TIMM23: variants seen among roughly 807,000 people sequenced by gnomAD.
The protein encoded by TIMM23 is mitochondrial import inner membrane translocase subunit Tim23.
Under a neutral mutation model 30.7 loss-of-function variants are expected in TIMM23, and 19 were observed. The observed-to-expected ratio is 0.62, with a 90% CI of 0.43 to 0.91. The LOEUF is 0.91. Ranked by LOEUF, TIMM23 falls within the 40% of genes least tolerant of loss-of-function variation. TIMM23 has a pLI of 0.00. For missense variants in TIMM23, 202 were observed against 269.2 expected (o/e 0.75, Z 1.75); for synonymous variants, 78 against 98.5 (o/e 0.79, Z 1.23).
At chr10:45,993,485 C>T (rs1199737961) in intron 6 of TIMM23, among the ~76,000 whole-genome samples, 1 of 151,956 alleles carries the variant, frequency 6.6e-6, no homozygotes, top group African/African-American at 2.4e-5. Context: ...AACTCCCGAC[C>T]TCAGGTTGCA....
chr10:45,972,763 G>A (rs782489097), intron 1 of TIMM23, 33 bp downstream of exon 1: 2 of 1,612,378 alleles, frequency 1.2e-6, no homozygotes, highest in African/African-American at 1.3e-5. Context: ...GATTATTTCT[G>A]ACTGGTTTTT....
intron 2 of TIMM23, among the ~76,000 whole-genome samples, chr10:45,976,214 A>G (rs587763486): frequency 0.033 from 4,956 of 151,906 alleles, 238 homozygotes; most frequent in African/African-American, 0.11. Flanking sequence ...ATCAATTTAT[A>G]ATAAAGCAAT....
chr10:46,002,747 CGTT>C (rs77268846), intron 6 of TIMM23, among the ~76,000 whole-genome samples: 17,527 of 150,532 alleles, frequency 0.12, 1,097 homozygotes, highest in Non-Finnish European at 0.14. Flanking sequence ...ACTTTAAAAA[CGTT>C]GTCTCCTTTT....
At position 45,974,172 on chromosome 10, in the gene TIMM23, G is replaced by GT. The variant is rs1165250520; in HGVS notation, c.107-1273dup. ...AGTGGTTTTTGTGGGGGTTTTTTTT[G>GT]TTTTTTTTTGAAAAGAGGACTCTTG... On this transcript the variant is annotated intron_variant, in intron 1 of 6. Coordinates refer to ENST00000580018, the MANE Select transcript of TIMM23 (RefSeq NM_006327.4). 1.5e-3 allele frequency among the ~76,000 whole-genome samples: 208 copies of GT among 138,746 alleles called. 2 individuals carry two copies. Among genetic ancestry groups the GT allele is most frequent in the Admixed American group, 3.7e-3 (51 of 13,732 alleles). 91.0% of individuals were successfully genotyped at this position (138,746 alleles called of 152,430 possible).
chr10:45,975,631 A>G lies in TIMM23; in HGVS notation c.165+119A>G, dbSNP rs587674918. 155 of 1,336,640 alleles carry G rather than the reference A, an allele frequency of 1.2e-4. No homozygotes were observed. The African/African-American group carries it at 1.6e-3, about 14-fold the overall frequency. 82.8% of individuals were successfully genotyped at this position (1,336,640 alleles called of 1,614,324 possible). A position where few individuals can be genotyped will look rare whatever the true frequency, so the allele number is the denominator to read the frequency against. On this transcript the variant is annotated intron_variant, in intron 2 of 6. Coordinates refer to ENST00000580018, the MANE Select transcript of TIMM23 (RefSeq NM_006327.4). ...TGGAGGCAGTAAGTCTCTGGTCTCC[A>G]TTCACCCTTTTTTCCTCACAAACAC... is the stretch of plus-strand genomic sequence containing the variant.
intron 5 of TIMM23, 37 bp downstream of exon 5, chr10:45,985,478 GAAAGA>G (rs2132258997): frequency 6.2e-7 from 1 of 1,608,806 alleles, no homozygotes; most frequent in East Asian, 2.2e-5. Flanking sequence ...AATTGTTAAA[GAAAGA>G]ATGCACAAAT....
At chr10:45,996,986 GA>G (rs1259111804) in intron 6 of TIMM23, among the ~76,000 whole-genome samples, 1 of 115,622 alleles carries the variant, frequency 8.6e-6, no homozygotes, top group Middle Eastern at 4.2e-3. Context: ...AAAAAAAAAA[GA>G]TAGATTCTAA....
At chr10:45,997,615 C>T (rs1164369947) in intron 6 of TIMM23, among the ~76,000 whole-genome samples, 3 of 152,066 alleles carry the variant, frequency 2.0e-5, no homozygotes, top group African/African-American at 7.2e-5. Flanking sequence ...AGTTCAAGAC[C>T]ACTCTAGGTA....
chr10:45,979,737 G>A (rs1837789478), intron 2 of TIMM23, among the ~76,000 whole-genome samples: 1 of 148,884 alleles, frequency 6.7e-6, no homozygotes, highest in Admixed American at 6.8e-5. Flanking sequence ...GAAGCAAGTT[G>A]ATGGTTCGGA....
chr10:45,986,694 G>A (rs1425126854), intron 5 of TIMM23, among the ~76,000 whole-genome samples: 1 of 152,140 alleles, frequency 6.6e-6, no homozygotes, highest in Non-Finnish European at 1.5e-5. Context: ...CAAGAGCATA[G>A]AAGGATGGCT....
At chr10:46,002,430 A>C in intron 6 of TIMM23, 1 of 824,916 alleles carries the variant, frequency 1.2e-6, no homozygotes, top group Non-Finnish European at 1.5e-6. Context: ...CAGCCTCCCA[A>C]AGTGCTGGGA....
At chr10:45,973,394 G>T (rs1325497115) in intron 1 of TIMM23, among the ~76,000 whole-genome samples, 11 of 152,262 alleles carry the variant, frequency 7.2e-5, no homozygotes, top group African/African-American at 2.2e-4. Context: ...CTTTGTAACT[G>T]TGGTTGTTCA....
intron 6 of TIMM23, among the ~76,000 whole-genome samples, chr10:45,990,370 T>G (rs1333161328): frequency 3.3e-5 from 5 of 152,166 alleles, no homozygotes; most frequent in Admixed American, 2.6e-4. Context: ...TGTTCCACCC[T>G]CCTCAGCCTC....
chr10:45,994,214 C>T (rs1253240172), intron 6 of TIMM23, among the ~76,000 whole-genome samples: 1 of 152,004 alleles, frequency 6.6e-6, no homozygotes, highest in Non-Finnish European at 1.5e-5. Context: ...TAGCGGGTGC[C>T]TGTAATCCCA....
At chr10:45,990,591 T>C in intron 6 of TIMM23, 1 of 365,152 alleles carries the variant, frequency 2.7e-6, no homozygotes, top group Non-Finnish European at 5.3e-6. Context: ...CTAATTATTT[T>C]TTTTTTTCTT....
chr10:45,999,968 T>C (rs1436823826), intron 6 of TIMM23, among the ~76,000 whole-genome samples: 1 of 152,204 alleles, frequency 6.6e-6, no homozygotes. Flanking sequence ...GGAAGAACAG[T>C]ATGGCTCTGT....
rs1222326441 is a variant in TIMM23, at chr10:45,986,051, A to G, written c.403+610A>G. Among the ~76,000 whole-genome samples, 17 of 152,332 alleles carry G rather than the reference A, an allele frequency of 1.1e-4. 1 individual carries two copies. The highest frequency in any genetic ancestry group is 3.8e-4 in the African/African-American group (16 of 41,566). On this transcript the variant is annotated intron_variant, in intron 5 of 6. Transcript: ENST00000580018. ...CTTATGGCTTATGTCCTGACATCCAAAATTTTCCTACTGTATGAACTTAGT... is the reference window on the plus strand; with the variant it reads ...CTTATGGCTTATGTCCTGACATCCAGAATTTTCCTACTGTATGAACTTAGT...
intron 3 of TIMM23, 89 bp downstream of exon 3, chr10:45,982,705 G>A (rs1390460951): frequency 4.5e-6 from 7 of 1,570,942 alleles, no homozygotes; most frequent in Admixed American, 1.9e-5. Flanking sequence ...GTTGGTTTCA[G>A]GGTTTTTTTT....
intron 6 of TIMM23, among the ~76,000 whole-genome samples, chr10:46,002,136 G>C (rs28410532): frequency 6.6e-6 from 1 of 152,024 alleles, no homozygotes; most frequent in African/African-American, 2.4e-5. Context: ...TGCATGAAGT[G>C]GGGGGTGGTC....
Sources: allele counts gnomAD v4.1 joint callset (sites outside exome capture counted in the v4.1 genomes callset), GRCh38; gene constraint gnomAD v4.1.1; transcripts MANE v1.5; gene names NCBI Gene and HGNC (gene_info 2026-07-23, HGNC 2026-07-21).